KLHL29: variants seen among roughly 807,000 people sequenced by gnomAD.
The protein encoded by KLHL29 is kelch like family member 29, also known as kelch-like protein 29.
KLHL29 carries 21 observed loss-of-function variants against 80.4 expected under a neutral mutation model. That is an observed-to-expected ratio of 0.26 (90% CI 0.19 to 0.38). The LOEUF is 0.38. KLHL29 is among the 10% of genes least tolerant of loss of function. The pLI is 1.00. For missense variants in KLHL29, 867 were observed against 1,223.9 expected (o/e 0.71, Z 4.35); for synonymous variants, 511 against 526.8 (o/e 0.97, Z 0.41).
At chr2:23,661,817 C>G (rs774938582) in intron 5 of KLHL29, among the ~76,000 whole-genome samples, 7 of 152,192 alleles carry the variant, frequency 4.6e-5, no homozygotes, top group African/African-American at 1.4e-4. Context: ...AATGCATGCT[C>G]GAGAACATCT....
At chr2:23,400,076 G>A (rs1457192275) in intron 1 of KLHL29, among the ~76,000 whole-genome samples, 2 of 152,228 alleles carry the variant, frequency 1.3e-5, no homozygotes, top group Non-Finnish European at 2.9e-5. Context: ...AGTTTTCGGT[G>A]CTGGGGGTTT....
At chr2:23,526,651 T>A (rs1167684207) in intron 2 of KLHL29, among the ~76,000 whole-genome samples, 3 of 152,128 alleles carry the variant, frequency 2.0e-5, no homozygotes, top group African/African-American at 7.2e-5. Flanking sequence ...CAGCCGTGGG[T>A]CCAGAGCAGC....
At chr2:23,467,699 G>A (rs1432330970) in intron 1 of KLHL29, among the ~76,000 whole-genome samples, 2 of 152,212 alleles carry the variant, frequency 1.3e-5, no homozygotes, top group Middle Eastern at 3.2e-3. Context: ...AGCTGTAGCA[G>A]CATCTGCCCG....
At chr2:23,697,973 A>AATC (rs1672078029) in intron 11 of KLHL29, 1 of 152,234 alleles carries the variant, frequency 6.6e-6, no homozygotes, top group Non-Finnish European at 1.5e-5. Context: ...GGCTATTTTT[A>AATC]ATCTCCTAAG....
intron 3 of KLHL29, among the ~76,000 whole-genome samples, chr2:23,620,888 C>T (rs954830370): frequency 6.6e-6 from 1 of 152,254 alleles, no homozygotes; most frequent in Non-Finnish European, 1.5e-5. Flanking sequence ...GGAACTCCAG[C>T]ATCCTGCTGG....
rs1455931009 is a variant in KLHL29, at chr2:23,642,548, C to A, written c.638C>A (p.Pro213Gln). 1 of 1,542,526 alleles carries A rather than the reference C, an allele frequency of 6.5e-7. No individual in the cohort carries two copies. The highest frequency in any genetic ancestry group is 8.8e-7 in the Non-Finnish European group (1 of 1,140,630). The change falls in exon 5 of 14, where the codon CCA (proline) becomes CAA (glutamine). Residue 213 changes from proline to glutamine, a missense_variant. Physicochemically the swap from Pro to Gln is moderately conservative, Grantham distance 76. Around this residue, in one of 2 missense-constraint regions of KLHL29, gnomAD observed 424 missense variants for 456.9 expected, o/e 0.93. Coordinates refer to ENST00000486442, the MANE Select transcript of KLHL29 (RefSeq NM_052920.2). ...TCGCTCCCTCAGCCGCCCTCTCAGCCACTGAGCAGCGTGGTGGTCAACATG... is the reference window on the plus strand; with the variant it reads ...TCGCTCCCTCAGCCGCCCTCTCAGCAACTGAGCAGCGTGGTGGTCAACATG... ...HYSLPQPPSQ[P>Q]LSSVVVNMPA... is the part of the protein sequence containing the mutation.
At chr2:23,411,780 T>C (rs1666866332) in intron 1 of KLHL29, among the ~76,000 whole-genome samples, 1 of 151,972 alleles carries the variant, frequency 6.6e-6, no homozygotes, top group Non-Finnish European at 1.5e-5. Context: ...GTTCTGAGGG[T>C]CTCCTCGGGC....
At chr2:23,573,889 C>G (rs1298853743) in intron 3 of KLHL29, among the ~76,000 whole-genome samples, 1 of 152,304 alleles carries the variant, frequency 6.6e-6, no homozygotes, top group South Asian at 2.1e-4. Flanking sequence ...TGTTTGCACT[C>G]CAGCCCCCGC....
At chr2:23,480,925 C>T (rs1371721971) in intron 2 of KLHL29, among the ~76,000 whole-genome samples, 1 of 152,166 alleles carries the variant, frequency 6.6e-6, no homozygotes, top group Non-Finnish European at 1.5e-5. Context: ...TGCTAGGACC[C>T]TTGGGAGAGG....
intron 2 of KLHL29, among the ~76,000 whole-genome samples, chr2:23,489,486 T>C (rs1340754939): frequency 6.6e-6 from 1 of 152,108 alleles, no homozygotes; most frequent in Non-Finnish European, 1.5e-5. Context: ...GGAGAAGAGC[T>C]TGTCCCCAGC....
At chr2:23,437,725 G>GT (rs762306026) in intron 1 of KLHL29, among the ~76,000 whole-genome samples, 6 of 152,180 alleles carry the variant, frequency 3.9e-5, no homozygotes, top group Non-Finnish European at 7.4e-5. Context: ...TTGTAGTATA[G>GT]TTTTAAGTCA....
At chr2:23,674,513 C>T (rs1670870093) in intron 5 of KLHL29, among the ~76,000 whole-genome samples, 1 of 152,158 alleles carries the variant, frequency 6.6e-6, no homozygotes, top group South Asian at 2.1e-4. Context: ...TGCCTCTGGC[C>T]CCAACTATCT....
At chr2:23,476,536 A>G (rs1463352409) in intron 2 of KLHL29, among the ~76,000 whole-genome samples, 1 of 152,142 alleles carries the variant, frequency 6.6e-6, no homozygotes, top group African/African-American at 2.4e-5. Flanking sequence ...TCCACAATGT[A>G]TCAAGCCATT....
At chr2:23,501,123 C>T (rs924477341) in intron 2 of KLHL29, among the ~76,000 whole-genome samples, 21 of 151,936 alleles carry the variant, frequency 1.4e-4, no homozygotes, top group Admixed American at 1.0e-3. Flanking sequence ...ATCTGGGACA[C>T]GGGAGCCACT....
chr2:23,552,668 C>T (rs568022382), intron 2 of KLHL29, among the ~76,000 whole-genome samples: 1 of 151,794 alleles, frequency 6.6e-6, no homozygotes, highest in African/African-American at 2.4e-5. Context: ...AAGACAATGC[C>T]CTAAAGCCTT....
At chr2:23,620,474 CA>C (rs1669146299) in intron 3 of KLHL29, among the ~76,000 whole-genome samples, 1 of 152,088 alleles carries the variant, frequency 6.6e-6, no homozygotes. Context: ...AGGGCATCGG[CA>C]AGGCTGCTGG....
intron 1 of KLHL29, among the ~76,000 whole-genome samples, chr2:23,414,398 TC>T (rs986786386): frequency 6.6e-6 from 1 of 152,186 alleles, no homozygotes; most frequent in Admixed American, 6.5e-5. Flanking sequence ...GATGTCTCCA[TC>T]CCGTCTCAGA....
At chr2:23,406,496 G>A (rs193190514) in intron 1 of KLHL29, among the ~76,000 whole-genome samples, 13 of 152,160 alleles carry the variant, frequency 8.5e-5, no homozygotes, top group Non-Finnish European at 1.5e-5. Context: ...AACACACATT[G>A]CCTCATGTAA....
chr2:23,674,925 C>G (rs1042567604), intron 5 of KLHL29, among the ~76,000 whole-genome samples: 1 of 152,166 alleles, frequency 6.6e-6, no homozygotes, highest in Non-Finnish European at 1.5e-5. Context: ...GGCCCTCCCC[C>G]AGCCCACCTT....
Sources: gnomAD v4.1 joint callset for allele counts (sites outside exome capture counted in the v4.1 genomes callset) on GRCh38, gnomAD v4.1.1 for gene constraint, gnomAD v4.1.1 regional missense constraint, MANE v1.5 for transcripts, NCBI Gene and HGNC (gene_info 2026-07-23, HGNC 2026-07-21) for gene names.